The following OSBP variants were observed in gnomAD, a reference collection of about 807,000 sequenced individuals.
The protein encoded by OSBP is oxysterol-binding protein 1.
Under a neutral mutation model 96.6 loss-of-function variants are expected in OSBP, and 32 were observed. The observed-to-expected ratio is 0.33, with a 90% confidence interval of 0.25 to 0.45. The LOEUF (loss-of-function observed/expected upper bound fraction) is 0.45, where lower values mean the gene tolerates loss of function less well. Among genes scored for constraint, OSBP ranks in the 20% least tolerant of loss-of-function variants. The probability of loss-of-function intolerance (pLI) is 1.00; values close to 1 mark genes in which losing one functional copy is unlikely to be tolerated. For synonymous variants in OSBP, 369 were observed against 389.6 expected, an observed-to-expected ratio of 0.95 and a Z score of 0.62; for missense variants, 653 against 1,029.7, an observed-to-expected ratio of 0.63 and a Z score of 5.01.
At chr11:59,614,778 C>G (rs1590681697) in intron 1 of OSBP, among the ~76,000 whole-genome samples, 2 of 152,296 alleles carry the variant, frequency 1.3e-5, no homozygotes, top group South Asian at 2.1e-4. Flanking sequence ...CGAAGCCACC[C>G]TGTGTGTGTG....
rs370787561 is a variant in OSBP at position 59,578,214 on chromosome 11, A to G, written c.1995T>C (p.Asp665=). Residue 665 remains aspartate, a synonymous_variant, in exon 12 of 14, where the codon GAT becomes GAC. Coordinates refer to ENST00000263847, the MANE Select transcript of OSBP (RefSeq NM_002556.3). ...CTGCTTCATGGCCTCTCTGTCGAGC[A>G]TCACCCCCATTTTCCCCAATGACTG... ...VQPVIGENGG[D]ARQRGHEAEE... 8 of 1,614,030 alleles carry G rather than the reference A, an allele frequency of 5.0e-6. No homozygotes were observed. In the African/African-American group the frequency reaches 1.1e-4, roughly 22 times the overall value.
chr11:59,576,768 T>A (rs761810027), intron 13 of OSBP, 37 bp downstream of exon 13: 1 of 1,612,910 alleles, frequency 6.2e-7, no homozygotes, highest in South Asian at 1.1e-5. Context: ...GCATTCTCCA[T>A]GCATCAAGAA....
At chr11:59,607,501 G>A (rs1453153288) in intron 3 of OSBP, among the ~76,000 whole-genome samples, 1 of 151,994 alleles carries the variant, frequency 6.6e-6, no homozygotes, top group African/African-American at 2.4e-5. Flanking sequence ...GGGGTTAAAT[G>A]AGAAAAACGA....
At chr11:59,608,838 G>A (rs2134675842) in intron 2 of OSBP, 104 bp from the exon 3 acceptor site, 1 of 1,147,718 alleles carries the variant, frequency 8.7e-7, no homozygotes, top group East Asian at 2.4e-5. Flanking sequence ...CATGCTGTGT[G>A]CATTCTGACT....
At chr11:59,593,002 T>C (rs1244552716) in intron 9 of OSBP, among the ~76,000 whole-genome samples, 2 of 152,192 alleles carry the variant, frequency 1.3e-5, no homozygotes, top group Admixed American at 6.5e-5. Context: ...TTCACCATGT[T>C]GCCCAGGCTG....
chr11:59,612,464 T>C (rs560429110), intron 1 of OSBP, among the ~76,000 whole-genome samples: 1 of 152,252 alleles, frequency 6.6e-6, no homozygotes. Context: ...AACCACTTCT[T>C]AGGAATCTCT....
intron 1 of OSBP, among the ~76,000 whole-genome samples, chr11:59,613,421 G>C (rs1214390290): frequency 1.3e-5 from 2 of 152,218 alleles, no homozygotes; most frequent in Non-Finnish European, 2.9e-5. Context: ...ATCAACACTA[G>C]TACTGATCAA....
rs558603609 is a variant in OSBP, at chr11:59,575,856, A to C, written c.*721T>G. ...TAAAACCCCTTTGTGAGGAGAATGC[A>C]CCCCCTTACCAATGACCAAAGTGGT... is the stretch of plus-strand genomic sequence containing the variant. On this transcript the variant is annotated 3_prime_UTR_variant, in exon 14 of 14. Coordinates refer to ENST00000263847, the MANE Select transcript of OSBP (RefSeq NM_002556.3). The C allele has an allele frequency of 5.9e-5, 9 of 152,156 alleles. No individual in the cohort carries two copies. Among genetic ancestry groups the C allele is most frequent in the Admixed American group, 2.0e-4 (3 of 15,258 alleles). 9.4% of individuals were successfully genotyped at this position (152,156 alleles called of 1,614,324 possible).
At chr11:59,583,635 T>G (rs938350995) in intron 9 of OSBP, among the ~76,000 whole-genome samples, 9 of 102,508 alleles carry the variant, frequency 8.8e-5, no homozygotes, top group African/African-American at 2.4e-4. Context: ...TAAATCTCTG[T>G]TTTTTTTTTT....
At chr11:59,601,543 G>A (rs1860724329) in intron 4 of OSBP, 97 bp downstream of exon 4, 2 of 1,187,962 alleles carry the variant, frequency 1.7e-6, no homozygotes, top group Admixed American at 3.6e-5. Context: ...CATTTCACAT[G>A]ACTCATTGAC....
At chr11:59,582,590 T>C (rs1194436761) in intron 9 of OSBP, among the ~76,000 whole-genome samples, 1 of 152,184 alleles carries the variant, frequency 6.6e-6, no homozygotes, top group Non-Finnish European at 1.5e-5. Context: ...AGTTGAGTCA[T>C]TTTAATGAAT....
At chr11:59,585,729 G>A (rs1192291693) in intron 9 of OSBP, among the ~76,000 whole-genome samples, 1 of 152,252 alleles carries the variant, frequency 6.6e-6, no homozygotes, top group Admixed American at 6.5e-5. Context: ...ATGGAAAGCG[G>A]GGAAAGGTGG....
At chr11:59,610,161 C>A (rs1347141508) in intron 2 of OSBP, among the ~76,000 whole-genome samples, 1 of 152,134 alleles carries the variant, frequency 6.6e-6, no homozygotes, top group Non-Finnish European at 1.5e-5. Flanking sequence ...GCTGTGACAA[C>A]CAAAAATGTC....
chr11:59,583,073 G>C (rs1020866671), intron 9 of OSBP, among the ~76,000 whole-genome samples: 2 of 152,138 alleles, frequency 1.3e-5, no homozygotes, highest in Non-Finnish European at 1.5e-5. Context: ...CTCTTTGGAA[G>C]GCCAAAGCAG....
intron 9 of OSBP, among the ~76,000 whole-genome samples, chr11:59,583,180 T>C (rs1860443221): frequency 6.6e-6 from 1 of 151,852 alleles, no homozygotes; most frequent in Non-Finnish European, 1.5e-5. Context: ...GGTGTGGTGG[T>C]GTGCGCCTGT....
chr11:59,601,795 T>A lies in OSBP; in HGVS notation c.866A>T (p.Lys289Ile), dbSNP rs1343426450. 1 of 1,614,068 alleles carries A rather than the reference T, an allele frequency of 6.2e-7. No individual in the cohort carries two copies. Among genetic ancestry groups the A allele is most frequent in the Non-Finnish European group, 8.5e-7 (1 of 1,180,022 alleles). The change falls in exon 4 of 14, where the codon AAA (lysine) becomes ATA (isoleucine). Residue 289 changes from lysine (K) to isoleucine (I), a missense_variant. By Grantham distance (102) the Lys-to-Ile change is moderately radical (BLOSUM62 -3). This residue lies in a region of OSBP where 308 missense variants were observed against 573.1 expected (regional missense o/e 0.54). Coordinates refer to ENST00000263847, the MANE Select transcript of OSBP (RefSeq NM_002556.3). ...FLMLAQTHSK[K>I]WQKSLQYERD... Reference sequence around the variant, plus strand: ...TTCATACTGTAGTGACTTTTGCCATTTTTTACTATGGGTCTGGGCTAACAT... The same window carrying A: ...TTCATACTGTAGTGACTTTTGCCATATTTTACTATGGGTCTGGGCTAACAT...
rs914755486 is a variant in OSBP at position 59,575,313 on chromosome 11, T to C, written c.*1264A>G. ...AGTTTAGACAGCAGTAGGCACCCCA[T>C]GATACAAACCATGGACAAAGTCCCT... On this transcript the variant is annotated 3_prime_UTR_variant, in exon 14 of 14. Transcript: ENST00000263847. 1 of 152,160 alleles carries C rather than the reference T, an allele frequency of 6.6e-6. No homozygotes were observed. The allele number at this position is 152,160 out of a possible 1,614,324, so 9.4% of individuals were successfully genotyped here. A position where few individuals can be genotyped will look rare whatever the true frequency, so the allele number is the denominator to read the frequency against.
intron 3 of OSBP, among the ~76,000 whole-genome samples, chr11:59,607,517 TCCCATGGTCATGGG>T (rs1005806701): frequency 1.3e-5 from 2 of 151,984 alleles, no homozygotes; most frequent in African/African-American, 4.8e-5. Context: ...AACGATACTT[TCCCATGGTCATGGG>T]AAAGTCTGGC....
Position 59,615,684 on chromosome 11 carries a change from A to G in OSBP, c.-20T>C. Reference sequence around the variant, plus strand: ...CGCCATGAGCCGCCGCCGCCTGGAGATACAAGACCGGAACCGCCTACGAGA... The same window carrying G: ...CGCCATGAGCCGCCGCCGCCTGGAGGTACAAGACCGGAACCGCCTACGAGA... On this transcript the variant is annotated 5_prime_UTR_variant, in exon 1 of 14. Coordinates refer to ENST00000263847, the MANE Select transcript of OSBP (RefSeq NM_002556.3). The G allele has an allele frequency of 7.7e-7, 1 of 1,298,562 alleles. No homozygotes were observed. Among genetic ancestry groups the G allele is most frequent in the African/African-American group, 1.5e-5 (1 of 64,896 alleles). 80.4% of individuals were successfully genotyped at this position (1,298,562 alleles called of 1,614,324 possible). A position where few individuals can be genotyped will look rare whatever the true frequency, so the allele number is the denominator to read the frequency against.
Sources: allele counts gnomAD v4.1 joint callset (sites outside exome capture counted in the v4.1 genomes callset), GRCh38; gene constraint gnomAD v4.1.1; regional missense constraint gnomAD v4.1.1; transcripts MANE v1.5; gene names NCBI Gene and HGNC (gene_info 2026-07-23, HGNC 2026-07-21).